Variants in ZDHHC15 observed in about 807,000 individuals in gnomAD.
ZDHHC15 encodes palmitoyltransferase ZDHHC15.
Under a neutral mutation model 31.7 loss-of-function variants are expected in ZDHHC15, and 19 were observed. The observed-to-expected ratio is 0.60, with a 90% CI of 0.42 to 0.88. The LOEUF (loss-of-function observed/expected upper bound fraction) is 0.88, where lower values mean the gene tolerates loss of function less well. Among genes scored for constraint, ZDHHC15 ranks in the 40% least tolerant of loss-of-function variants. The pLI, the probability that ZDHHC15 is intolerant of heterozygous loss-of-function variation, is 0.00. For missense variants in ZDHHC15, 209 were observed against 251.2 expected, an observed-to-expected ratio of 0.83 and a Z score of 1.14; for synonymous variants, 103 against 90.0, an observed-to-expected ratio of 1.14 and a Z score of -0.82.
intron 10 of ZDHHC15, among the ~76,000 whole-genome samples, chrX:75,408,884 T>C (rs1365182488): frequency 8.9e-6 from 1 of 111,967 alleles, no homozygotes; most frequent in Non-Finnish European, 1.9e-5. Flanking sequence ...GGAATTAATT[T>C]AAGAAGTGAA....
intron 2 of ZDHHC15, among the ~76,000 whole-genome samples, chrX:75,500,408 A>T (rs2085071145): frequency 9.0e-6 from 1 of 110,507 alleles, no homozygotes; most frequent in African/African-American, 3.3e-5. Context: ...TAAAAAATAT[A>T]GTTTCAGAAA....
intron 4 of ZDHHC15, among the ~76,000 whole-genome samples, chrX:75,434,437 T>G (rs1373709848): frequency 1.8e-5 from 2 of 111,996 alleles, no homozygotes. Context: ...GTTTTTCCAA[T>G]GTTATCTTCT....
chrX:75,482,073 A>G (rs1259732073), intron 2 of ZDHHC15, among the ~76,000 whole-genome samples: 1 of 111,191 alleles, frequency 9.0e-6, no homozygotes, highest in Non-Finnish European at 1.9e-5. Flanking sequence ...ATTCTTCATG[A>G]CAGTACAAGA....
intron 7 of ZDHHC15, among the ~76,000 whole-genome samples, chrX:75,427,837 T>TA (rs1455429852): frequency 9.0e-6 from 1 of 111,407 alleles, no homozygotes; most frequent in Non-Finnish European, 1.9e-5. Context: ...TATAATTCCT[T>TA]ATTCTTAAAG....
At chrX:75,429,261 A>C (rs1198730781) in intron 6 of ZDHHC15, 63 bp from the exon 7 acceptor site, 2 of 1,122,427 alleles carry the variant, frequency 1.8e-6, no homozygotes, top group Non-Finnish European at 2.4e-6. Context: ...ACTGATACAT[A>C]AGTGAACTAA....
intron 3 of ZDHHC15, among the ~76,000 whole-genome samples, chrX:75,474,583 C>CAT (rs1569349313): frequency 2.3e-4 from 2 of 8,589 alleles, no homozygotes; most frequent in Non-Finnish European, 2.7e-3. Flanking sequence ...TACACACACA[C>CAT]ACACACACAC....
intron 3 of ZDHHC15, among the ~76,000 whole-genome samples, chrX:75,469,207 C>T (rs769128848): frequency 6.9e-4 from 77 of 111,735 alleles, no homozygotes; most frequent in Non-Finnish European, 1.2e-3. Flanking sequence ...TTAGGCCTTA[C>T]ATTTAAGCAT....
rs2082980296 is a variant in ZDHHC15, at chrX:75,368,803, T to C, written c.*4175A>G. On this transcript the variant is annotated 3_prime_UTR_variant, in exon 12 of 12. Transcript: ENST00000373367. ...TGAATTCATTGTTGGTTTTAACTCA[T>C]TCTGCTGATGGCTGTGTACCATCCT... 1 of 111,677 alleles carries C rather than the reference T, an allele frequency of 9.0e-6. No individual in the cohort carries two copies. The highest frequency in any genetic ancestry group is 1.9e-5 in the Non-Finnish European group (1 of 53,128). The allele number at this position is 111,677 out of a possible 1,213,427, so 9.2% of individuals were successfully genotyped here.
At chrX:75,412,436 C>CTT (rs1196578193) in intron 10 of ZDHHC15, among the ~76,000 whole-genome samples, 1 of 103,636 alleles carries the variant, frequency 9.6e-6, no homozygotes, top group African/African-American at 3.5e-5. Flanking sequence ...GATTATTATT[C>CTT]TTTTTTTTTT....
chrX:75,468,549 G>C (rs1359535988), intron 3 of ZDHHC15, among the ~76,000 whole-genome samples: 1 of 111,765 alleles, frequency 8.9e-6, no homozygotes, highest in Non-Finnish European at 1.9e-5. Flanking sequence ...GTACTTGTTT[G>C]AACACCTGTT....
At chrX:75,373,926 G>GTTTTTTTTTTCTTTTTTTTT (rs2083028128) in intron 11 of ZDHHC15, among the ~76,000 whole-genome samples, 1 of 50,456 alleles carries the variant, frequency 2.0e-5, no homozygotes, top group Non-Finnish European at 3.4e-5. Context: ...CATTCTTTCT[G>GTTTTTTTTTTCTTTTTTTTT]TTTTTTTTTT....
chrX:75,475,385 G>C (rs187054227), intron 3 of ZDHHC15, among the ~76,000 whole-genome samples: 2 of 111,214 alleles, frequency 1.8e-5, no homozygotes, highest in African/African-American at 6.5e-5. Flanking sequence ...TCTATTTTAA[G>C]TTAATTTTTA....
intron 4 of ZDHHC15, among the ~76,000 whole-genome samples, chrX:75,441,063 T>C (rs1341032493): frequency 3.6e-5 from 4 of 111,921 alleles, no homozygotes; most frequent in African/African-American, 1.3e-4. Flanking sequence ...GGAAGCCGGT[T>C]TGCAGGGCTG....
At chrX:75,382,104 T>A (rs1348724238) in intron 10 of ZDHHC15, among the ~76,000 whole-genome samples, 1 of 112,173 alleles carries the variant, frequency 8.9e-6, no homozygotes, top group Non-Finnish European at 1.9e-5. Context: ...GCACCATTTT[T>A]ATGGCAATGA....
chrX:75,370,467 T>C lies in ZDHHC15; in HGVS notation c.*2511A>G, dbSNP rs2082994961. Reference sequence around the variant, plus strand: ...AACCAATGAGACCAAAATGCTAAGATAGGAATAGGTTTTCTTTTTATCTCT... The same window carrying C: ...AACCAATGAGACCAAAATGCTAAGACAGGAATAGGTTTTCTTTTTATCTCT... On this transcript the variant is annotated 3_prime_UTR_variant, in exon 12 of 12. Coordinates refer to ENST00000373367, the MANE Select transcript of ZDHHC15 (RefSeq NM_144969.3). 2 of 110,138 alleles carry C rather than the reference T, an allele frequency of 1.8e-5. No individual in the cohort carries two copies. The highest frequency in any genetic ancestry group is 3.3e-5 in the African/African-American group (1 of 30,121). The allele number at this position is 110,138 out of a possible 1,213,427, so 9.1% of individuals were successfully genotyped here. A position where few individuals can be genotyped will look rare whatever the true frequency, so the allele number is the denominator to read the frequency against.
At chrX:75,516,488 G>T (rs1484861159) in intron 1 of ZDHHC15, among the ~76,000 whole-genome samples, 3 of 112,471 alleles carry the variant, frequency 2.7e-5, no homozygotes, top group African/African-American at 9.7e-5. Flanking sequence ...AATGGGGAAA[G>T]GATTCCCTAT....
At chrX:75,494,012 A>C (rs2084945796) in intron 2 of ZDHHC15, among the ~76,000 whole-genome samples, 1 of 111,731 alleles carries the variant, frequency 9.0e-6, no homozygotes, top group South Asian at 3.8e-4. Flanking sequence ...TGCAGATGAC[A>C]GGATTGTATA....
At chrX:75,454,206 T>C (rs2084175994) in intron 3 of ZDHHC15, among the ~76,000 whole-genome samples, 1 of 111,837 alleles carries the variant, frequency 8.9e-6, no homozygotes, top group African/African-American at 3.3e-5. Flanking sequence ...GGATACAAAA[T>C]CAATGTGCAA....
At chrX:75,398,378 T>C in intron 10 of ZDHHC15, among the ~76,000 whole-genome samples, 2 of 112,784 alleles carry the variant, frequency 1.8e-5, no homozygotes, top group Admixed American at 1.9e-4. Flanking sequence ...TCTTCCTCAC[T>C]GGTCAGGTCC....
Sources: allele counts gnomAD v4.1 joint callset (sites outside exome capture counted in the v4.1 genomes callset), GRCh38; gene constraint gnomAD v4.1.1; transcripts MANE v1.5; gene names NCBI Gene and HGNC (gene_info 2026-07-23, HGNC 2026-07-21).